Variants in AGMO observed in about 807,000 individuals in gnomAD.
AGMO encodes the protein glyceryl-ether monooxygenase.
Under a neutral mutation model 60.2 loss-of-function variants are expected in AGMO, and 75 were observed. The observed-to-expected ratio is 1.25, with a 90% CI of 1.03 to 1.51. The LOEUF (loss-of-function observed/expected upper bound fraction) is 1.51. Ranked by LOEUF, AGMO falls within the 40% of genes most tolerant of loss-of-function variation. AGMO has a pLI of 0.00. For synonymous variants in AGMO, 261 were observed against 177.1 expected (o/e 1.47, Z -3.76); for missense variants, 763 against 525.5 (o/e 1.45, Z -4.42).
intron 12 of AGMO, among the ~76,000 whole-genome samples, chr7:15,361,751 A>G (rs1312719356): frequency 6.6e-6 from 1 of 152,076 alleles, no homozygotes; most frequent in African/African-American, 2.4e-5. Flanking sequence ...AAACAGATAA[A>G]TAACTTTGCC....
At chr7:15,167,756 T>C in the AGMO span, among the ~76,000 whole-genome samples, 1 of 152,216 alleles carries the variant, frequency 6.6e-6, no homozygotes, top group African/African-American at 2.4e-5. Flanking sequence ...ACCTGTCTTT[T>C]AGCTGTATGG....
intron 12 of AGMO, among the ~76,000 whole-genome samples, chr7:15,286,380 A>T (rs1393909536): frequency 4.6e-5 from 7 of 152,146 alleles, no homozygotes; most frequent in Non-Finnish European, 7.4e-5. Flanking sequence ...AGCAGGAAAA[A>T]AAACAAATAA....
At chr7:15,326,897 A>T (rs1171259420) in intron 12 of AGMO, among the ~76,000 whole-genome samples, 1 of 152,226 alleles carries the variant, frequency 6.6e-6, no homozygotes, top group Admixed American at 6.5e-5. Context: ...AAAGATTACC[A>T]AACTAGAGAT....
the AGMO span, among the ~76,000 whole-genome samples, chr7:15,193,481 C>A: frequency 6.6e-6 from 1 of 152,032 alleles, no homozygotes; most frequent in East Asian, 1.9e-4. Flanking sequence ...TCTTTTGAAA[C>A]AGAAGTTTCA....
the AGMO span, among the ~76,000 whole-genome samples, chr7:15,141,278 A>C: frequency 1.3e-5 from 2 of 152,108 alleles, no homozygotes; most frequent in African/African-American, 4.8e-5. Flanking sequence ...ATTAACTAAT[A>C]TTAATAGTAT....
chr7:15,332,505 T>C (rs530441290), intron 12 of AGMO, among the ~76,000 whole-genome samples: 13 of 152,150 alleles, frequency 8.5e-5, no homozygotes, highest in Non-Finnish European at 1.5e-4. Context: ...TCCTCTAATA[T>C]ATCACCTAAT....
chr7:15,266,031 A>G (rs1179686333), intron 12 of AGMO, among the ~76,000 whole-genome samples: 1 of 152,132 alleles, frequency 6.6e-6, no homozygotes, highest in Non-Finnish European at 1.5e-5. Context: ...AGCCAGTTAG[A>G]AAAAGACAAA....
At chr7:15,412,643 C>T (rs62439274) in intron 5 of AGMO, among the ~76,000 whole-genome samples, 8,599 of 143,770 alleles carry the variant, frequency 0.06, 326 homozygotes, top group African/African-American at 0.1. Context: ...AATCCTGCCA[C>T]GTGAGAGGGG....
chr7:15,303,002 T>A (rs1477329444), intron 12 of AGMO, among the ~76,000 whole-genome samples: 6 of 152,102 alleles, frequency 3.9e-5, no homozygotes, highest in African/African-American at 1.4e-4. Flanking sequence ...ATCTAAAGGA[T>A]CTTGAAAGCT....
At chr7:15,407,272 C>T (rs1784731803) in intron 5 of AGMO, among the ~76,000 whole-genome samples, 1 of 125,934 alleles carries the variant, frequency 7.9e-6, no homozygotes, top group Non-Finnish European at 1.8e-5. Context: ...TATGTATACT[C>T]CATTATATTT....
chr7:15,285,495 C>G (rs559657541), intron 12 of AGMO, among the ~76,000 whole-genome samples: 19 of 151,950 alleles, frequency 1.3e-4, no homozygotes, highest in Non-Finnish European at 2.5e-4. Flanking sequence ...AACTAAAATA[C>G]TTTAGGATAT....
chr7:15,372,538 G>C (rs930796918), intron 10 of AGMO, among the ~76,000 whole-genome samples: 1 of 152,108 alleles, frequency 6.6e-6, no homozygotes, highest in Non-Finnish European at 1.5e-5. Flanking sequence ...GTAAATATGA[G>C]TTTGAGTAAC....
At chr7:15,186,936 G>A in the AGMO span, among the ~76,000 whole-genome samples, 2 of 152,272 alleles carry the variant, frequency 1.3e-5, no homozygotes, top group Admixed American at 6.5e-5. Context: ...GAAAGAATAC[G>A]TTTCTGGATT....
chr7:15,409,902 T>C (rs76439374), intron 5 of AGMO, among the ~76,000 whole-genome samples: 3,245 of 151,776 alleles, frequency 0.021, 89 homozygotes, highest in African/African-American at 0.072. Context: ...TTGGAGGTAA[T>C]ACCACTACAA....
intron 2 of AGMO, among the ~76,000 whole-genome samples, chr7:15,549,249 C>T (rs1434371325): frequency 2.8e-5 from 4 of 145,102 alleles, no homozygotes; most frequent in Non-Finnish European, 4.5e-5. Flanking sequence ...TAGGAAGAAA[C>T]TGCATCAACT....
chr7:15,390,759 TAAA>T lies in AGMO; in HGVS notation c.743-12_743-10del. The T allele has an allele frequency of 6.2e-7, 1 of 1,603,682 alleles. No individual in the cohort carries two copies. ...TTCTGCTTCAAATGTCCCTGGAAGA[TAAA>T]TATAAAGATATGAGATTTGGCTTCC... On this transcript the variant is annotated splice_polypyrimidine_tract_variant and intron_variant, in intron 7 of 12. Transcript: ENST00000342526.
intron 12 of AGMO, among the ~76,000 whole-genome samples, chr7:15,293,223 G>A (rs191738773): frequency 2.6e-5 from 4 of 152,054 alleles, no homozygotes; most frequent in Admixed American, 1.3e-4. Context: ...GACTCTGGCC[G>A]CTTATATCCC....
intron 3 of AGMO, among the ~76,000 whole-genome samples, chr7:15,452,279 A>G (rs961885260): frequency 2.0e-5 from 3 of 152,172 alleles, no homozygotes; most frequent in Admixed American, 6.5e-5. Flanking sequence ...AAATAATACT[A>G]TCAAAAAATT....
intron 12 of AGMO, among the ~76,000 whole-genome samples, chr7:15,278,334 A>G (rs116677753): frequency 0.018 from 2,725 of 152,176 alleles, 88 homozygotes; most frequent in African/African-American, 0.063. Context: ...GGACCCGGGG[A>G]GAGTGGTCAG....
Sources: allele counts gnomAD v4.1 joint callset (sites outside exome capture counted in the v4.1 genomes callset), GRCh38; gene constraint gnomAD v4.1.1; transcripts MANE v1.5; gene names NCBI Gene and HGNC (gene_info 2026-07-23, HGNC 2026-07-21).